The following GPC5 variants were observed in gnomAD, a reference collection of about 807,000 sequenced individuals.
GPC5 encodes the protein glypican-5.
GPC5 carries 47 observed loss-of-function variants against 53.9 expected under a neutral mutation model. The observed-to-expected ratio is 0.87, with a 90% confidence interval of 0.69 to 1.11. GPC5 has a LOEUF of 1.11. GPC5 is among the 50% of genes most tolerant of loss of function. The probability of loss-of-function intolerance (pLI) is 0.00; values close to 1 mark genes in which losing one functional copy is unlikely to be tolerated. For synonymous variants in GPC5, 286 were observed against 263.3 expected (o/e 1.09, Z -0.84); for missense variants, 748 against 713.1 (o/e 1.05, Z -0.56).
intron 7 of GPC5, among the ~76,000 whole-genome samples, chr13:92,429,434 A>T (rs1014188797): frequency 3.3e-5 from 5 of 151,786 alleles, no homozygotes; most frequent in Non-Finnish European, 5.9e-5. Context: ...ATACTAATTT[A>T]AAAAACTAAT....
At position 92,071,871 on chromosome 13, in the gene GPC5, A is replaced by T. The variant is rs901853249; in HGVS notation, c.1402-72959A>T. On this transcript the variant is annotated intron_variant, in intron 6 of 7. Transcript: ENST00000377067. The stretch of plus-strand genomic sequence containing the variant: ...TAACGAATTTATTATAATATATATA[A>T]ATATTATATATGTATAAAATGTATT... Among the ~76,000 whole-genome samples, 7 of 146,934 alleles carry T rather than the reference A, an allele frequency of 4.8e-5. 1 individual carries two copies. Among genetic ancestry groups the T allele is most frequent in the African/African-American group, 1.7e-4 (7 of 40,642 alleles).
chr13:92,267,708 C>CT (rs34306732), intron 7 of GPC5, among the ~76,000 whole-genome samples: 52,400 of 151,720 alleles, frequency 0.35, 9,721 homozygotes, highest in African/African-American at 0.48. Flanking sequence ...CTGGCTTACT[C>CT]TTTTTTTGTA....
At position 92,680,863 on chromosome 13, in the gene GPC5, C is replaced by A. The variant is rs951747287; in HGVS notation, c.1562-185419C>A. ...TTGCCGGTGAATTTCAGCTCTCAGT[C>A]TATCTACCAACCTGTGTCACCAGGA... On this transcript the variant is annotated intron_variant, in intron 7 of 7. Coordinates refer to ENST00000377067, the MANE Select transcript of GPC5 (RefSeq NM_004466.6). 2.4e-4 allele frequency among the ~76,000 whole-genome samples: 37 copies of A among 152,190 alleles called. 1 individual carries two copies. The highest frequency in any genetic ancestry group is 1.8e-4 in the Non-Finnish European group (12 of 68,032).
rs116699725 is a variant in GPC5 at position 92,554,417 on chromosome 13, C to T, written c.1562-311865C>T. On this transcript the variant is annotated intron_variant, in intron 7 of 7. Coordinates refer to ENST00000377067, the MANE Select transcript of GPC5 (RefSeq NM_004466.6). ...AAAATTAAAAGCAACAATAAGCCAA[C>T]CACATCATACTTTTAATTTTGATTT... 1.6e-3 allele frequency among the ~76,000 whole-genome samples: 241 copies of T among 151,378 alleles called. 2 individuals carry two copies. Among genetic ancestry groups the T allele is most frequent in the African/African-American group, 5.3e-3 (221 of 41,360 alleles).
At chr13:91,626,418 A>G (rs963424428) in intron 2 of GPC5, among the ~76,000 whole-genome samples, 1 of 152,100 alleles carries the variant, frequency 6.6e-6, no homozygotes, top group Non-Finnish European at 1.5e-5. Context: ...TAACAGTATT[A>G]TCCAGGCCTA....
chr13:92,703,570 TTATA>T (rs1887834928), intron 7 of GPC5, among the ~76,000 whole-genome samples: 2 of 150,364 alleles, frequency 1.3e-5, no homozygotes, highest in South Asian at 4.1e-4. Context: ...AGGGTTAATA[TTATA>T]TAAATTCATT....
chr13:91,870,506 C>G (rs1291483060), intron 5 of GPC5, among the ~76,000 whole-genome samples: 1 of 152,116 alleles, frequency 6.6e-6, no homozygotes, highest in Non-Finnish European at 1.5e-5. Context: ...TAATTATATG[C>G]ATGACTAATA....
chr13:92,500,056 T>G (rs1880123553), intron 7 of GPC5, among the ~76,000 whole-genome samples: 1 of 152,160 alleles, frequency 6.6e-6, no homozygotes, highest in African/African-American at 2.4e-5. Flanking sequence ...CTTTCCTTTT[T>G]TAAAAGTTTC....
At chr13:91,565,176 G>T (rs1448761353) in intron 2 of GPC5, among the ~76,000 whole-genome samples, 1 of 152,076 alleles carries the variant, frequency 6.6e-6, no homozygotes, top group East Asian at 1.9e-4. Context: ...TTTTAGTAGA[G>T]ATGGGATTTC....
At chr13:91,503,911 C>G (rs1481478917) in intron 2 of GPC5, among the ~76,000 whole-genome samples, 1 of 151,006 alleles carries the variant, frequency 6.6e-6, no homozygotes, top group African/African-American at 2.4e-5. Flanking sequence ...AAAAAGAAGA[C>G]TAATTCTTCA....
At chr13:91,690,125 C>T (rs1175989308) in intron 2 of GPC5, among the ~76,000 whole-genome samples, 1 of 152,080 alleles carries the variant, frequency 6.6e-6, no homozygotes, top group African/African-American at 2.4e-5. Context: ...GGACCAATGT[C>T]ATATATACAG....
At chr13:92,224,818 T>C (rs1264355741) in intron 7 of GPC5, among the ~76,000 whole-genome samples, 1 of 152,230 alleles carries the variant, frequency 6.6e-6, no homozygotes, top group Non-Finnish European at 1.5e-5. Context: ...AAGAGGACTC[T>C]TAGAAGCTTG....
At chr13:92,327,026 G>C (rs961294051) in intron 7 of GPC5, among the ~76,000 whole-genome samples, 6 of 151,972 alleles carry the variant, frequency 3.9e-5, no homozygotes, top group African/African-American at 1.5e-4. Flanking sequence ...TCTGTTTCAG[G>C]GTTCTCTTTG....
At chr13:92,848,731 T>C (rs1364063704) in intron 7 of GPC5, among the ~76,000 whole-genome samples, 1 of 152,112 alleles carries the variant, frequency 6.6e-6, no homozygotes, top group Non-Finnish European at 1.5e-5. Flanking sequence ...ACAGCATTTA[T>C]AATTGGAAAG....
At chr13:91,783,181 G>A (rs965249629) in intron 5 of GPC5, among the ~76,000 whole-genome samples, 1 of 151,968 alleles carries the variant, frequency 6.6e-6, no homozygotes, top group Non-Finnish European at 1.5e-5. Flanking sequence ...TTGAACCTGG[G>A]AGGCAGAGGT....
intron 1 of GPC5, among the ~76,000 whole-genome samples, chr13:91,437,210 G>A (rs1224300023): frequency 1.3e-5 from 2 of 152,162 alleles, no homozygotes; most frequent in Non-Finnish European, 2.9e-5. Context: ...ATTGTTATGT[G>A]TGAATTTGAT....
rs554672393 is a variant in GPC5, at chr13:91,688,675, G to A, written c.326-4512G>A. On this transcript the variant is annotated intron_variant, in intron 2 of 7. Transcript: ENST00000377067. ...GAGAAATACATCATTAGACAATTTC[G>A]CCATTGTGCAAATATAACAGACTAT... Among the ~76,000 whole-genome samples, 8 of 152,090 alleles carry A rather than the reference G, an allele frequency of 5.3e-5. No individual in the cohort carries two copies. In the South Asian group the frequency reaches 1.0e-3, roughly 20 times the overall value.
At chr13:91,707,984 C>T (rs7986568) in intron 3 of GPC5, among the ~76,000 whole-genome samples, 4,177 of 152,040 alleles carry the variant, frequency 0.027, 178 homozygotes, top group African/African-American at 0.095. Context: ...TAAAAAGGAA[C>T]GAAGTACTGT....
intron 2 of GPC5, among the ~76,000 whole-genome samples, chr13:91,527,284 C>G (rs560880316): frequency 1.3e-5 from 2 of 152,202 alleles, no homozygotes; most frequent in Non-Finnish European, 2.9e-5. Flanking sequence ...GTAAATGTTC[C>G]TGTTCCAAAT....
Sources: allele counts gnomAD v4.1 joint callset (sites outside exome capture counted in the v4.1 genomes callset), GRCh38; gene constraint gnomAD v4.1.1; transcripts MANE v1.5; gene names NCBI Gene and HGNC (gene_info 2026-07-23, HGNC 2026-07-21).